THSD4: variants seen among roughly 807,000 people sequenced by gnomAD.
THSD4 encodes the protein thrombospondin type-1 domain-containing protein 4.
A neutral mutation model predicts 119.0 loss-of-function variants in THSD4; 69 were observed. The observed-to-expected ratio is 0.58, with a 90% CI of 0.48 to 0.71. THSD4 has a LOEUF of 0.71. THSD4 is among the 30% of genes least tolerant of loss of function. The probability of loss-of-function intolerance (pLI) is 0.00; values close to 1 mark genes in which losing one functional copy is unlikely to be tolerated. For synonymous variants in THSD4, 524 were observed against 540.4 expected, an observed-to-expected ratio of 0.97 and a Z score of 0.42; for missense variants, 1,393 against 1,391.1, an observed-to-expected ratio of 1.00 and a Z score of -0.02.
chr15:71,648,265 G>A (rs769215260), intron 7 of THSD4, among the ~76,000 whole-genome samples: 2 of 152,106 alleles, frequency 1.3e-5, no homozygotes, highest in African/African-American at 2.4e-5. Flanking sequence ...TGGTCCAGCC[G>A]TAACAGCTGT....
intron 7 of THSD4, among the ~76,000 whole-genome samples, chr15:71,593,632 A>G (rs1391066124): frequency 3.9e-5 from 6 of 152,088 alleles, no homozygotes; most frequent in African/African-American, 1.5e-4. Flanking sequence ...ATGGTGGCTC[A>G]CACCTGTAAT....
chr15:71,436,259 C>T (rs1023355022), intron 7 of THSD4, among the ~76,000 whole-genome samples: 3 of 152,016 alleles, frequency 2.0e-5, no homozygotes, highest in Middle Eastern at 3.2e-3. Flanking sequence ...CTGTGATACC[C>T]TTATTTATGA....
At chr15:71,266,872 A>G (rs2044470745) in intron 6 of THSD4, among the ~76,000 whole-genome samples, 1 of 152,014 alleles carries the variant, frequency 6.6e-6, no homozygotes, top group South Asian at 2.1e-4. Flanking sequence ...GAGATTGAAG[A>G]TCAACTTAAT....
chr15:71,130,111 C>G (rs1227475076), intron 1 of THSD4, among the ~76,000 whole-genome samples: 6 of 152,166 alleles, frequency 3.9e-5, no homozygotes, highest in Admixed American at 3.9e-4. Context: ...ATGCTGTGTA[C>G]CAGGTAAATG....
intron 1 of THSD4, among the ~76,000 whole-genome samples, chr15:71,133,882 T>C (rs551152022): frequency 2.0e-5 from 3 of 152,362 alleles, no homozygotes; most frequent in South Asian, 2.1e-4. Flanking sequence ...GCAATTTGCA[T>C]TGAAATCCTT....
At chr15:71,629,452 C>T (rs571837915) in intron 7 of THSD4, among the ~76,000 whole-genome samples, 11 of 152,272 alleles carry the variant, frequency 7.2e-5, no homozygotes, top group South Asian at 2.1e-4. Flanking sequence ...AGGGCCTTTC[C>T]GCAGCTGCTG....
In THSD4 at chr15:71,674,200, C is replaced by T. The variant is rs551444119; in HGVS notation, c.1357+13466C>T. Among the ~76,000 whole-genome samples the T allele has an allele frequency of 6.6e-5, 10 of 152,322 alleles. No homozygotes were observed. In the South Asian group the frequency reaches 1.5e-3, roughly 22 times the overall value. On this transcript the variant is annotated intron_variant, in intron 8 of 17. Transcript: ENST00000261862. ...AGGCTGCATCCAGTGGTCTAAGTGGCATTCCTCTGCTCTTGCTCTTATGTG... is the reference window on the plus strand; with the variant it reads ...AGGCTGCATCCAGTGGTCTAAGTGGTATTCCTCTGCTCTTGCTCTTATGTG...
chr15:71,278,280 T>C (rs911754312), intron 6 of THSD4, among the ~76,000 whole-genome samples: 20 of 152,130 alleles, frequency 1.3e-4, no homozygotes, highest in Admixed American at 7.2e-4. Context: ...ATTGTAGCCC[T>C]GATCTCCCTG....
At chr15:71,435,510 A>G (rs1482909423) in intron 7 of THSD4, among the ~76,000 whole-genome samples, 4 of 152,238 alleles carry the variant, frequency 2.6e-5, no homozygotes, top group Non-Finnish European at 4.4e-5. Context: ...TTTATCTCAT[A>G]AGTGACTCAA....
intron 3 of THSD4, among the ~76,000 whole-genome samples, chr15:71,201,006 GACTT>G (rs1241886896): frequency 6.6e-6 from 1 of 152,184 alleles, no homozygotes; most frequent in Admixed American, 6.5e-5. Context: ...TTCACAGTAA[GACTT>G]ACGCTGTGAA....
chr15:71,614,111 G>A (rs2050280859), intron 7 of THSD4, among the ~76,000 whole-genome samples: 1 of 152,170 alleles, frequency 6.6e-6, no homozygotes. Flanking sequence ...ATAAAATGCA[G>A]CAACTCTATT....
At chr15:71,561,308 A>G (rs377750564) in intron 7 of THSD4, among the ~76,000 whole-genome samples, 2 of 152,144 alleles carry the variant, frequency 1.3e-5, no homozygotes, top group South Asian at 2.1e-4. Context: ...TCATGTCAAT[A>G]TCGTAGAGTT....
intron 7 of THSD4, among the ~76,000 whole-genome samples, chr15:71,602,272 G>A (rs1056972666): frequency 2.0e-5 from 3 of 151,996 alleles, no homozygotes; most frequent in Admixed American, 6.6e-5. Flanking sequence ...AAATGGTCTC[G>A]GCCAGGCGCA....
At chr15:71,571,328 C>A (rs2049351690) in intron 7 of THSD4, among the ~76,000 whole-genome samples, 1 of 152,042 alleles carries the variant, frequency 6.6e-6, no homozygotes, top group African/African-American at 2.4e-5. Flanking sequence ...TAGAATGCCG[C>A]ATGCTCGTTT....
intron 6 of THSD4, among the ~76,000 whole-genome samples, chr15:71,293,924 T>C (rs1187415317): frequency 1.3e-5 from 2 of 151,902 alleles, no homozygotes; most frequent in East Asian, 3.9e-4. Flanking sequence ...GCCTGGGGGG[T>C]CCCTGAAGGG....
intron 7 of THSD4, among the ~76,000 whole-genome samples, chr15:71,649,555 G>A (rs570436796): frequency 6.6e-6 from 1 of 152,312 alleles, no homozygotes; most frequent in South Asian, 2.1e-4. Flanking sequence ...AGGATTACAG[G>A]CATGAGCCGT....
chr15:71,692,843 G>A (rs953198752), intron 8 of THSD4, among the ~76,000 whole-genome samples: 2 of 152,156 alleles, frequency 1.3e-5, no homozygotes, highest in Non-Finnish European at 2.9e-5. Flanking sequence ...GCTGACCGAG[G>A]TCATATTTTA....
Position 71,195,736 on chromosome 15 carries a change from G to A in THSD4, c.100-19299G>A, listed in dbSNP as rs188517864. 4.0e-3 allele frequency among the ~76,000 whole-genome samples: 609 copies of A among 152,268 alleles called. 4 individuals are homozygous for A. Among genetic ancestry groups the A allele is most frequent in the Middle Eastern group, 6.8e-3 (2 of 294 alleles). On this transcript the variant is annotated intron_variant, in intron 3 of 17. Coordinates refer to ENST00000261862, the MANE Select transcript of THSD4 (RefSeq NM_024817.3). ...GGGTTGCTCTGGAGGTGTGTGTTGG[G>A]TGGATGGGGTTGGGGGAAAGACTGG...
At chr15:71,257,258 A>T (rs1169670659) in intron 6 of THSD4, among the ~76,000 whole-genome samples, 1 of 152,166 alleles carries the variant, frequency 6.6e-6, no homozygotes, top group Non-Finnish European at 1.5e-5. Flanking sequence ...GAGCAAGTTG[A>T]TCCCACTCTG....
Sources: allele counts gnomAD v4.1 joint callset (sites outside exome capture counted in the v4.1 genomes callset), GRCh38; gene constraint gnomAD v4.1.1; transcripts MANE v1.5; gene names NCBI Gene and HGNC (gene_info 2026-07-23, HGNC 2026-07-21).